Variants in SEMA5B observed in about 807,000 individuals in gnomAD.
The protein encoded by SEMA5B is semaphorin-5B.
Under a neutral mutation model 135.0 loss-of-function variants are expected in SEMA5B, and 66 were observed. The observed-to-expected ratio is 0.49, with a 90% CI of 0.40 to 0.60. The LOEUF (loss-of-function observed/expected upper bound fraction) is 0.60, where lower values mean the gene tolerates loss of function less well. Among genes scored for constraint, SEMA5B ranks in the 20% least tolerant of loss-of-function variants. The pLI is 0.00. For missense variants in SEMA5B, 1,501 were observed against 1,566.3 expected (o/e 0.96, Z 0.70); for synonymous variants, 690 against 639.5 (o/e 1.08, Z -1.19).
intron 1 of SEMA5B, among the ~76,000 whole-genome samples, chr3:123,001,154 C>A (rs1230324765): frequency 6.6e-6 from 1 of 152,098 alleles, no homozygotes; most frequent in Non-Finnish European, 1.5e-5. Context: ...TGGGAAGAGA[C>A]CATAAACTCA....
intron 1 of SEMA5B, among the ~76,000 whole-genome samples, chr3:122,986,500 T>C (rs776888251): frequency 2.0e-5 from 3 of 152,152 alleles, no homozygotes; most frequent in Non-Finnish European, 4.4e-5. Flanking sequence ...ATCCAAAGAA[T>C]GTTTAAATCC....
chr3:122,986,974 G>A (rs573402082), intron 1 of SEMA5B, among the ~76,000 whole-genome samples: 15 of 152,242 alleles, frequency 9.9e-5, no homozygotes, highest in African/African-American at 3.4e-4. Context: ...GAACAGAGAG[G>A]TGGGGGAAGG....
chr3:122,913,336 C>A lies in SEMA5B; in HGVS notation c.2369G>T (p.Gly790Val). 1 of 1,579,570 alleles carries A rather than the reference C, an allele frequency of 6.3e-7. No individual in the cohort carries two copies. The highest frequency in any genetic ancestry group is 8.5e-7 in the Non-Finnish European group (1 of 1,170,376). ...GAACCGCTGCTCCTGCCGTGCCCCG[C>A]CCTGCGTCACGTTCACGGGCAGCCA... ...TPWLPVNVTQ[G>V]GARQEQRFRF... Residue 790 changes from glycine (G) to valine (V), a missense_variant, in exon 17 of 23, where the codon GGC becomes GTC. By Grantham distance (109) the Gly-to-Val change is moderately radical (BLOSUM62 -3). Coordinates refer to ENST00000357599, the MANE Select transcript of SEMA5B (RefSeq NM_001031702.4).
rs1164605399 is a variant in SEMA5B, at chr3:122,910,841, T to C, written c.3296A>G (p.Lys1099Arg). The part of the protein sequence containing the change: ...KNEKYTPMEF[K>R]TLNKNNLIPD... ...AAAAAAAAAAAAGAAGGCTCCCACC[T>C]TGAATTCCATGGGTGTGTACTTTTC... The change falls in exon 22 of 23, where the codon AAG (lysine) becomes AGG (arginine). Residue 1099 changes from lysine to arginine, a missense_variant and splice_region_variant. Lys to Arg is a conservative substitution (Grantham distance 26, BLOSUM62 2). Transcript: ENST00000357599. 6.4e-7 allele frequency: 1 copy of C among 1,564,974 alleles called. No individual in the cohort carries two copies. The highest frequency in any genetic ancestry group is 1.4e-5 in the African/African-American group (1 of 71,986).
intron 21 of SEMA5B, 47 bp from the exon 22 acceptor site, chr3:122,911,092 G>T: frequency 6.7e-7 from 1 of 1,482,134 alleles, no homozygotes; most frequent in Non-Finnish European, 9.3e-7. Flanking sequence ...CTGTGAAGAG[G>T]ACAGACTCCT....
intron 11 of SEMA5B, 29 bp from the exon 12 acceptor site, chr3:122,922,151 T>G (rs747854280): frequency 3.9e-6 from 6 of 1,542,880 alleles, no homozygotes; most frequent in Admixed American, 3.8e-5. Flanking sequence ...CAGACCAAGG[T>G]GGCCTTGAAG....
At chr3:122,924,346 T>C (rs1338733616) in intron 9 of SEMA5B, among the ~76,000 whole-genome samples, 3 of 152,150 alleles carry the variant, frequency 2.0e-5, no homozygotes, top group Non-Finnish European at 4.4e-5. Context: ...TCCAGTTATA[T>C]TCTTCGCATT....
At chr3:122,912,634 G>A (rs1167006142) in intron 18 of SEMA5B, among the ~76,000 whole-genome samples, 1 of 151,954 alleles carries the variant, frequency 6.6e-6, no homozygotes, top group Non-Finnish European at 1.5e-5. Flanking sequence ...AAAAGGGACA[G>A]GGAGGATAAG....
At chr3:122,992,453 C>T (rs906325575) in intron 1 of SEMA5B, among the ~76,000 whole-genome samples, 1 of 152,312 alleles carries the variant, frequency 6.6e-6, no homozygotes, top group South Asian at 2.1e-4. Flanking sequence ...CCTGGAGCAC[C>T]TGTGGGTGTG....
intron 5 of SEMA5B, among the ~76,000 whole-genome samples, chr3:122,939,097 C>T (rs1482810628): frequency 1.3e-5 from 2 of 152,216 alleles, no homozygotes; most frequent in Non-Finnish European, 2.9e-5. Context: ...AGTTTTTGCA[C>T]TGGAAGTTCT....
At chr3:122,956,321 G>A (rs1199465442) in intron 2 of SEMA5B, among the ~76,000 whole-genome samples, 1 of 152,198 alleles carries the variant, frequency 6.6e-6, no homozygotes, top group Non-Finnish European at 1.5e-5. Flanking sequence ...GAATGCACGC[G>A]CATGTGTGTG....
intron 1 of SEMA5B, among the ~76,000 whole-genome samples, chr3:122,967,447 C>T (rs1225890582): frequency 2.6e-5 from 4 of 152,152 alleles, no homozygotes; most frequent in South Asian, 2.1e-4. Context: ...TGGGTGGGTG[C>T]ACCCATCCAG....
intron 5 of SEMA5B, among the ~76,000 whole-genome samples, chr3:122,934,284 C>A (rs918087094): frequency 6.6e-6 from 1 of 152,154 alleles, no homozygotes; most frequent in Non-Finnish European, 1.5e-5. Flanking sequence ...AGAAAAAGAT[C>A]ATCACTGATT....
intron 12 of SEMA5B, among the ~76,000 whole-genome samples, chr3:122,916,324 A>G (rs901488013): frequency 1.3e-5 from 2 of 152,222 alleles, no homozygotes; most frequent in African/African-American, 2.4e-5. Context: ...TCATAGAGTC[A>G]TAAAACATTA....
chr3:122,945,805 G>T (rs1939765351), intron 3 of SEMA5B, among the ~76,000 whole-genome samples: 1 of 146,258 alleles, frequency 6.8e-6, no homozygotes, highest in African/African-American at 2.5e-5. Flanking sequence ...GAGGAAACAG[G>T]GTACAAGATG....
At chr3:123,009,967 C>G (rs563220170) in intron 1 of SEMA5B, among the ~76,000 whole-genome samples, 1 of 152,328 alleles carries the variant, frequency 6.6e-6, no homozygotes, top group East Asian at 1.9e-4. Context: ...GCAGTACAGG[C>G]AGCACCAGGA....
chr3:122,911,294 A>G lies in SEMA5B; in HGVS notation c.3091+197T>C, dbSNP rs1414022723. Reference sequence around the variant, plus strand: ...AGAGTCAGATGACTCTTCCTTGGGTACAGACTGATGATGGCCTCCTAGCTG... The same window carrying G: ...AGAGTCAGATGACTCTTCCTTGGGTGCAGACTGATGATGGCCTCCTAGCTG... On this transcript the variant is annotated intron_variant, in intron 21 of 22. Transcript: ENST00000357599. 2.7e-6 allele frequency: 4 copies of G among 1,455,594 alleles called. No homozygotes were observed. The East Asian group carries it at 7.4e-5, about 27-fold the overall frequency. 90.2% of individuals were successfully genotyped at this position (1,455,594 alleles called of 1,614,324 possible).
In SEMA5B at chr3:122,999,816, G is replaced by C. The variant is rs575644401; in HGVS notation, c.-39+27648C>G. On this transcript the variant is annotated intron_variant, in intron 1 of 22. Transcript: ENST00000357599. Reference sequence around the variant, plus strand: ...GAGTGGGGCCTAAGAATCTACACAGGCTAAAACAGGTTCTAAAGAAGAAAA... The same window carrying C: ...GAGTGGGGCCTAAGAATCTACACAGCCTAAAACAGGTTCTAAAGAAGAAAA... Among the ~76,000 whole-genome samples the C allele has an allele frequency of 2.0e-5, 3 of 152,290 alleles. No homozygotes were observed. The East Asian group carries it at 5.8e-4, about 29-fold the overall frequency.
chr3:122,959,564 G>A (rs966310028), intron 2 of SEMA5B, among the ~76,000 whole-genome samples: 6 of 131,344 alleles, frequency 4.6e-5, no homozygotes, highest in South Asian at 2.5e-4. Flanking sequence ...GTCAACACAC[G>A]GTAAGGAATG....
Sources: allele counts gnomAD v4.1 joint callset (sites outside exome capture counted in the v4.1 genomes callset), GRCh38; gene constraint gnomAD v4.1.1; transcripts MANE v1.5; gene names NCBI Gene and HGNC (gene_info 2026-07-23, HGNC 2026-07-21).